Variants in KRABD5 observed in about 807,000 individuals in gnomAD.
KRABD5 encodes KRAB domain containing 5.
the KRABD5 span, among the ~76,000 whole-genome samples, chr16:31,726,413 T>C: frequency 6.6e-6 from 1 of 152,336 alleles, no homozygotes; most frequent in South Asian, 2.1e-4. Context: ...TGCCTTCACC[T>C]TCATTCTTAT....
At chr16:31,760,798 T>C in the KRABD5 span, 5 of 152,342 alleles carry the variant, frequency 3.3e-5, no homozygotes, top group African/African-American at 4.8e-5. Flanking sequence ...TGTGTTCTTA[T>C]GTGCTTTCCA....
chr16:31,756,379 A>G, the KRABD5 span: 1 of 152,152 alleles, frequency 6.6e-6, no homozygotes, highest in Non-Finnish European at 1.5e-5. Context: ...CTCCTTAAGT[A>G]GAAAAACACT....
At chr16:31,723,073 G>C in the KRABD5 span, among the ~76,000 whole-genome samples, 1 of 152,196 alleles carries the variant, frequency 6.6e-6, no homozygotes, top group Admixed American at 6.5e-5. Flanking sequence ...ATACTTGGAA[G>C]TGAAGCTCAG....
the KRABD5 span, among the ~76,000 whole-genome samples, chr16:31,718,727 T>C: frequency 2.2e-3 from 337 of 152,306 alleles, 2 homozygotes; most frequent in Admixed American, 5.5e-3. Flanking sequence ...ACTGGGGCAG[T>C]TCCACTTTGT....
At chr16:31,753,318 AC>A in the KRABD5 span, among the ~76,000 whole-genome samples, 1 of 152,110 alleles carries the variant, frequency 6.6e-6, no homozygotes, top group East Asian at 1.9e-4. Context: ...TTCTCAGTTG[AC>A]CCGACATATC....
chr16:31,733,600 A>G, the KRABD5 span: 3 of 456,112 alleles, frequency 6.6e-6, no homozygotes, highest in Non-Finnish European at 1.3e-5. Context: ...TAATGTTTCT[A>G]TGAGTTTGGC....
the KRABD5 span, among the ~76,000 whole-genome samples, chr16:31,745,756 C>T: frequency 8.1e-4 from 123 of 152,058 alleles, no homozygotes; most frequent in African/African-American, 2.7e-3. Context: ...TGGGAGTCTA[C>T]GTCTCTGTAA....
chr16:31,723,303 G>A, the KRABD5 span: 23 of 1,613,848 alleles, frequency 1.4e-5, no homozygotes, highest in Non-Finnish European at 1.7e-5. Flanking sequence ...TTGGAGCAAA[G>A]GAAAGAGCCC....
chr16:31,759,367 C>A, the KRABD5 span: 8 of 1,482,242 alleles, frequency 5.4e-6, no homozygotes, highest in Admixed American at 4.3e-5. Context: ...GCAAAATAAT[C>A]CTATGGTGAA....
At chr16:31,745,910 A>G in the KRABD5 span, among the ~76,000 whole-genome samples, 1 of 150,876 alleles carries the variant, frequency 6.6e-6, no homozygotes, top group Admixed American at 6.6e-5. Flanking sequence ...GTTGGTTTAA[A>G]GTCTATTTTG....
At chr16:31,757,850 G>GATAGA in the KRABD5 span, 48 of 103,336 alleles carry the variant, frequency 4.6e-4, no homozygotes, top group African/African-American at 1.4e-3. Flanking sequence ...AGGTAGGTAG[G>GATAGA]TAGATAGATA....
At chr16:31,737,973 GTTTA>G in the KRABD5 span, among the ~76,000 whole-genome samples, 3 of 152,048 alleles carry the variant, frequency 2.0e-5, no homozygotes, top group Admixed American at 2.0e-4. Flanking sequence ...GTGTTTGAGA[GTTTA>G]TTTAATTTCC....
chr16:31,730,992 T>G, the KRABD5 span, among the ~76,000 whole-genome samples: 1 of 152,214 alleles, frequency 6.6e-6, no homozygotes, highest in Admixed American at 6.5e-5. Context: ...TTGAAATTCT[T>G]TAAGATGATT....
the KRABD5 span, among the ~76,000 whole-genome samples, chr16:31,713,883 C>T: frequency 6.0e-4 from 91 of 152,252 alleles, no homozygotes; most frequent in Non-Finnish European, 1.0e-3. Flanking sequence ...AGCCTGCCGC[C>T]GTGGTTTGTG....
the KRABD5 span, among the ~76,000 whole-genome samples, chr16:31,748,161 T>G: frequency 6.6e-6 from 1 of 152,154 alleles, no homozygotes; most frequent in Admixed American, 6.5e-5. Context: ...TTGAATTAAT[T>G]TTTGTATAAG....
the KRABD5 span, among the ~76,000 whole-genome samples, chr16:31,716,997 G>GTTTTTTTTTTTTTTTTTTT: frequency 3.7e-5 from 3 of 81,164 alleles, no homozygotes; most frequent in African/African-American, 5.0e-5. Context: ...GTCAGTCTTT[G>GTTTTTTTTTTTTTTTTTTT]TTTTTTTTTT....
chr16:31,755,294 C>T, the KRABD5 span: 1 of 505,122 alleles, frequency 2.0e-6, no homozygotes, highest in Admixed American at 2.1e-5. Flanking sequence ...TGGAGAAAAA[C>T]CCTATAAATG....
chr16:31,719,029 G>T, the KRABD5 span, among the ~76,000 whole-genome samples: 1 of 152,246 alleles, frequency 6.6e-6, no homozygotes, highest in Non-Finnish European at 1.5e-5. Flanking sequence ...GAACAAAGAG[G>T]AGTTCTGGAG....
chr16:31,753,187 GTATTTTCCTA>G, the KRABD5 span, among the ~76,000 whole-genome samples: 1 of 152,248 alleles, frequency 6.6e-6, no homozygotes, highest in African/African-American at 2.4e-5. Context: ...ACTACTGTGT[GTATTTTCCTA>G]TTAAAAAGGT....
Sources: gnomAD v4.1 joint callset for allele counts (sites outside exome capture counted in the v4.1 genomes callset) on GRCh38, gnomAD v4.1.1 for gene constraint, MANE v1.5 for transcripts, NCBI Gene and HGNC (gene_info 2026-07-23, HGNC 2026-07-21) for gene names.